SNX9: variants seen among roughly 807,000 people sequenced by gnomAD.
SNX9 encodes the protein sorting nexin 9.
SNX9 carries 44 observed loss-of-function variants against 89.4 expected under a neutral mutation model. That is an observed-to-expected ratio of 0.49 (90% confidence interval 0.39 to 0.63). The LOEUF is 0.63. SNX9 is among the 30% of genes least tolerant of loss of function. The pLI is 0.00. For missense variants in SNX9, 578 were observed against 736.1 expected (o/e 0.79, Z 2.49); for synonymous variants, 236 against 247.8 (o/e 0.95, Z 0.45).
chr6:157,930,539 G>A (rs1464900553), intron 12 of SNX9, among the ~76,000 whole-genome samples: 3 of 152,138 alleles, frequency 2.0e-5, no homozygotes, highest in Non-Finnish European at 4.4e-5. Context: ...ATCTACAGGT[G>A]CTCCCCATCA....
chr6:157,849,520 A>C (rs1781867187), intron 1 of SNX9, among the ~76,000 whole-genome samples: 1 of 152,244 alleles, frequency 6.6e-6, no homozygotes, highest in African/African-American at 2.4e-5. Context: ...CGGAAGATGA[A>C]TTGGAGCAAG....
chr6:157,886,868 T>G (rs1414943910), intron 4 of SNX9, among the ~76,000 whole-genome samples: 1 of 152,240 alleles, frequency 6.6e-6, no homozygotes, highest in African/African-American at 2.4e-5. Flanking sequence ...TGTTTTGTTT[T>G]TTTTTTCTTT....
chr6:157,826,295 G>C (rs1012456337), intron 1 of SNX9, among the ~76,000 whole-genome samples: 1 of 151,892 alleles, frequency 6.6e-6, no homozygotes, highest in Non-Finnish European at 1.5e-5. Flanking sequence ...TCGGGAGATC[G>C]AGACCATCCT....
chr6:157,895,570 A>G (rs927206148), intron 4 of SNX9, among the ~76,000 whole-genome samples: 6 of 152,186 alleles, frequency 3.9e-5, no homozygotes, highest in African/African-American at 1.4e-4. Context: ...AATGTGAAAG[A>G]ATATTGTGTC....
chr6:157,867,479 A>T (rs1782288303), intron 1 of SNX9, 68 bp from the exon 2 acceptor site: 2 of 1,276,480 alleles, frequency 1.6e-6, no homozygotes, highest in Non-Finnish European at 2.3e-6. Flanking sequence ...AGTGAACTGT[A>T]CACCTTTTGT....
chr6:157,903,764 TA>T (rs34770393), intron 6 of SNX9, among the ~76,000 whole-genome samples: 35,137 of 151,972 alleles, frequency 0.23, 4,225 homozygotes, highest in African/African-American at 0.28. Context: ...CTTATAACCT[TA>T]AGGCAAGTTT....
chr6:157,825,319 GGTCA>G (rs1196376269), intron 1 of SNX9, among the ~76,000 whole-genome samples: 1 of 152,138 alleles, frequency 6.6e-6, no homozygotes, highest in Non-Finnish European at 1.5e-5. Flanking sequence ...GTCTAGTGGT[GGTCA>G]GTGTGTTTTT....
In SNX9 at chr6:157,846,822, G is replaced by A. The variant is rs1006529390; in HGVS notation, c.13-20725G>A. On this transcript the variant is annotated intron_variant, in intron 1 of 17. Transcript: ENST00000392185. Reference sequence around the variant, plus strand: ...AGCACTTTGGGAGGCCAAGGCAGGCGGATCACTTGAGGCCAGGAGTTTGAG... The same window carrying A: ...AGCACTTTGGGAGGCCAAGGCAGGCAGATCACTTGAGGCCAGGAGTTTGAG... 7.9e-5 allele frequency among the ~76,000 whole-genome samples: 12 copies of A among 152,262 alleles called. No homozygotes were observed. The South Asian group carries it at 8.3e-4, about 11-fold the overall frequency.
chr6:157,902,103 A>G, intron 6 of SNX9, 58 bp downstream of exon 6: 1 of 1,559,650 alleles, frequency 6.4e-7, no homozygotes, highest in Non-Finnish European at 8.7e-7. Flanking sequence ...CATTAATACA[A>G]AGTATATACC....
chr6:157,867,516 A>G (rs547927608), intron 1 of SNX9, 31 bp from the exon 2 acceptor site: 3 of 1,576,448 alleles, frequency 1.9e-6, no homozygotes, highest in African/African-American at 2.7e-5. Flanking sequence ...TTGTGTTTGT[A>G]ACATCCTCTT....
chr6:157,834,985 A>T (rs1326831948), intron 1 of SNX9, among the ~76,000 whole-genome samples: 1 of 152,214 alleles, frequency 6.6e-6, no homozygotes, highest in Non-Finnish European at 1.5e-5. Context: ...TCTAAAGCCA[A>T]GATGATACCA....
chr6:157,925,065 T>A (rs1339352816), intron 10 of SNX9, among the ~76,000 whole-genome samples: 4 of 152,300 alleles, frequency 2.6e-5, no homozygotes, highest in Non-Finnish European at 4.4e-5. Context: ...CATTAGAACT[T>A]CTTTTTTCAG....
chr6:157,883,912 T>C (rs1457195465), intron 4 of SNX9, among the ~76,000 whole-genome samples: 1 of 152,258 alleles, frequency 6.6e-6, no homozygotes, highest in Non-Finnish European at 1.5e-5. Context: ...TTATCTTTTT[T>C]TCTATTCCCA....
At chr6:157,903,127 A>T (rs1337358864) in intron 6 of SNX9, among the ~76,000 whole-genome samples, 1 of 152,240 alleles carries the variant, frequency 6.6e-6, no homozygotes, top group Non-Finnish European at 1.5e-5. Context: ...TATGACTTCC[A>T]TCAGAATTTT....
At chr6:157,824,393 T>C (rs1321884761) in intron 1 of SNX9, among the ~76,000 whole-genome samples, 1 of 152,202 alleles carries the variant, frequency 6.6e-6, no homozygotes, top group Non-Finnish European at 1.5e-5. Flanking sequence ...TGTGATACAC[T>C]GTGAGGAGTG....
intron 1 of SNX9, among the ~76,000 whole-genome samples, chr6:157,843,351 G>A (rs547735493): frequency 3.9e-5 from 6 of 152,284 alleles, no homozygotes; most frequent in African/African-American, 1.4e-4. Context: ...CTGTTGACTG[G>A]AAGCCTTATA....
intron 17 of SNX9, 125 bp downstream of exon 17, chr6:157,941,099 A>C (rs1784027139): frequency 1.3e-6 from 1 of 789,658 alleles, no homozygotes. Context: ...AAGGAGCCTA[A>C]ATTTTGGACA....
At chr6:157,840,441 TCTTTC>T (rs1562590938) in intron 1 of SNX9, among the ~76,000 whole-genome samples, 1 of 149,830 alleles carries the variant, frequency 6.7e-6, no homozygotes, top group Non-Finnish European at 1.5e-5. Flanking sequence ...TTCTTTCCTT[TCTTTC>T]CTTTCCTTCC....
At chr6:157,927,055 T>A in intron 10 of SNX9, 56 bp from the exon 11 acceptor site, 2 of 1,390,636 alleles carry the variant, frequency 1.4e-6, no homozygotes, top group South Asian at 2.3e-5. Context: ...TTGGGAATTT[T>A]GAAGACCAGT....
Sources: allele counts gnomAD v4.1 joint callset (sites outside exome capture counted in the v4.1 genomes callset), GRCh38; gene constraint gnomAD v4.1.1; transcripts MANE v1.5; gene names NCBI Gene and HGNC (gene_info 2026-07-23, HGNC 2026-07-21).